The following MICAL2 variants were observed in gnomAD, a reference collection of about 807,000 sequenced individuals.
The protein encoded by MICAL2 is microtubule associated monooxygenase, calponin and LIM domain containing 2.
Under a neutral mutation model 127.3 loss-of-function variants are expected in MICAL2, and 77 were observed. The ratio of observed to expected loss-of-function variants is 0.60; its 90% confidence interval spans 0.50 to 0.73. The LOEUF (loss-of-function observed/expected upper bound fraction) is 0.73, where lower values mean the gene tolerates loss of function less well. Among genes scored for constraint, MICAL2 ranks in the 30% least tolerant of loss-of-function variants. The pLI is 0.00. For synonymous variants in MICAL2, 570 were observed against 551.1 expected (o/e 1.03, Z -0.48); for missense variants, 1,351 against 1,434.4 (o/e 0.94, Z 0.94).
At chr11:12,222,820 T>C in intron 11 of MICAL2, 77 bp downstream of exon 11, 1 of 1,570,302 alleles carries the variant, frequency 6.4e-7, no homozygotes, top group Non-Finnish European at 8.6e-7. Flanking sequence ...GGGGGTCACA[T>C]TAAATTTTGG....
intron 2 of MICAL2, among the ~76,000 whole-genome samples, chr11:12,156,742 A>T (rs934051036): frequency 6.6e-6 from 1 of 152,220 alleles, no homozygotes; most frequent in Non-Finnish European, 1.5e-5. Flanking sequence ...GGGATGCACC[A>T]GGTGTGGAAG....
intron 5 of MICAL2, 26 bp from the exon 6 acceptor site, chr11:12,209,471 C>A: frequency 6.4e-7 from 1 of 1,565,830 alleles, no homozygotes; most frequent in Non-Finnish European, 8.8e-7. Context: ...TCTCTGCCAA[C>A]TCATCTCATT....
At chr11:12,134,014 G>A (rs1168876510) in intron 1 of MICAL2, among the ~76,000 whole-genome samples, 1 of 152,198 alleles carries the variant, frequency 6.6e-6, no homozygotes, top group African/African-American at 2.4e-5. Flanking sequence ...CTGAGGAGGT[G>A]GTGTGCATGG....
rs933568456 is a variant in MICAL2, at chr11:12,223,341, C to G, written c.1450-70C>G. On this transcript the variant is annotated intron_variant, in intron 11 of 27. Coordinates refer to ENST00000683283, the MANE Select transcript of MICAL2 (RefSeq NM_001282663.2). ...GGCAGGCACTGAATTGGGGGTGGGT[C>G]GAGTTTAGGGGCCCTGAGACTAGGA... 5.1e-6 allele frequency: 7 copies of G among 1,369,218 alleles called. No homozygotes were observed. In the African/African-American group the frequency reaches 1.0e-4, roughly 20 times the overall value. 84.8% of individuals were successfully genotyped at this position (1,369,218 alleles called of 1,614,324 possible).
intron 1 of MICAL2, among the ~76,000 whole-genome samples, chr11:12,124,987 C>A (rs548121834): frequency 7.9e-5 from 12 of 152,356 alleles, no homozygotes; most frequent in African/African-American, 2.9e-4. Context: ...TAGGTTAGTC[C>A]CTGTTTCTAT....
intron 22 of MICAL2, chr11:12,250,204 A>G (rs1445651249): frequency 6.6e-6 from 1 of 152,164 alleles, no homozygotes. Context: ...GATTTAAGAC[A>G]AGAGAGAAGT....
chr11:12,181,558 C>T (rs545110766), intron 3 of MICAL2, among the ~76,000 whole-genome samples: 2 of 152,328 alleles, frequency 1.3e-5, no homozygotes, highest in African/African-American at 2.4e-5. Flanking sequence ...ACAGTCTCTT[C>T]AATTACAATA....
At chr11:12,151,732 G>A (rs1853597783) in intron 2 of MICAL2, among the ~76,000 whole-genome samples, 4 of 152,082 alleles carry the variant, frequency 2.6e-5, no homozygotes, top group Admixed American at 6.6e-5. Flanking sequence ...CTTATGGGTC[G>A]GTCTTAGAAG....
chr11:12,234,380 G>A (rs1858735768), intron 15 of MICAL2, among the ~76,000 whole-genome samples: 1 of 152,078 alleles, frequency 6.6e-6, no homozygotes, highest in African/African-American at 2.4e-5. Context: ...TACTTTCACA[G>A]GCCCCAGGTT....
At chr11:12,345,844 T>G (rs915146433) in intron 32 of MICAL2, among the ~76,000 whole-genome samples, 1 of 152,154 alleles carries the variant, frequency 6.6e-6, no homozygotes, top group Non-Finnish European at 1.5e-5. Context: ...AGTGTTTAAT[T>G]ATAGACTCTC....
At chr11:12,129,636 C>CTTT (rs559528778) in intron 1 of MICAL2, among the ~76,000 whole-genome samples, 28,464 of 97,170 alleles carry the variant, frequency 0.29, 4,367 homozygotes, top group African/African-American at 0.31. Context: ...TCTTCTTCTT[C>CTTT]TTTTTTTTTT....
chr11:12,280,869 T>G (rs2134764766), intron 1 of MICAL2: 2 of 398,508 alleles, frequency 5.0e-6, no homozygotes, highest in Non-Finnish European at 8.8e-6. Context: ...GGACGCAGTG[T>G]GGGTGTGTTG....
intron 33 of MICAL2, among the ~76,000 whole-genome samples, chr11:12,354,224 G>C (rs1324729752): frequency 1.3e-5 from 2 of 152,286 alleles, no homozygotes; most frequent in East Asian, 1.9e-4. Flanking sequence ...TGCCTGTAAT[G>C]CCAGCACTTT....
intron 7 of MICAL2, among the ~76,000 whole-genome samples, chr11:12,215,367 TTG>T (rs1331632016): frequency 6.6e-6 from 1 of 152,216 alleles, no homozygotes; most frequent in Non-Finnish European, 1.5e-5. Flanking sequence ...CCAGCACGCC[TTG>T]TGTAAATGCT....
intron 2 of MICAL2, chr11:12,161,326 T>C (rs1350556831): frequency 6.6e-6 from 1 of 152,264 alleles, no homozygotes; most frequent in African/African-American, 2.4e-5. Context: ...TTCCCTTCCA[T>C]GAGCCGGAGC....
intron 2 of MICAL2, among the ~76,000 whole-genome samples, chr11:12,153,864 G>A (rs1456319331): frequency 6.6e-6 from 1 of 152,238 alleles, no homozygotes; most frequent in Non-Finnish European, 1.5e-5. Context: ...GTGGGATCAA[G>A]ATGATTCAGG....
chr11:12,128,559 G>A (rs529571874), intron 1 of MICAL2, among the ~76,000 whole-genome samples: 31 of 152,356 alleles, frequency 2.0e-4, no homozygotes, highest in African/African-American at 7.5e-4. Flanking sequence ...ACAAAGAGGT[G>A]CAGGGAGAGC....
At chr11:12,210,826 T>G (rs1361661847) in intron 6 of MICAL2, among the ~76,000 whole-genome samples, 1 of 152,216 alleles carries the variant, frequency 6.6e-6, no homozygotes, top group Non-Finnish European at 1.5e-5. Context: ...CTGCAGACGT[T>G]TGGGGCCACA....
chr11:12,307,393 AT>A, intron 29 of MICAL2, among the ~76,000 whole-genome samples: 1 of 152,268 alleles, frequency 6.6e-6, no homozygotes, highest in South Asian at 2.1e-4. Context: ...TTTCATTTTC[AT>A]TACAGTATCT....
Sources: allele counts gnomAD v4.1 joint callset (sites outside exome capture counted in the v4.1 genomes callset), GRCh38; gene constraint gnomAD v4.1.1; transcripts MANE v1.5; gene names NCBI Gene and HGNC (gene_info 2026-07-23, HGNC 2026-07-21).